The following CHN2 variants were observed in gnomAD, a reference collection of about 807,000 sequenced individuals.
CHN2 encodes the protein chimerin 2, also known as beta-chimaerin.
Under a neutral mutation model 56.3 loss-of-function variants are expected in CHN2, and 35 were observed. The observed-to-expected ratio is 0.62, with a 90% confidence interval of 0.47 to 0.82. CHN2 has a LOEUF of 0.82. CHN2 is among the 40% of genes least tolerant of loss of function. The pLI, the probability that CHN2 is intolerant of heterozygous loss-of-function variation, is 0.00. For synonymous variants in CHN2, 210 were observed against 212.8 expected (o/e 0.99, Z 0.12); for missense variants, 491 against 580.5 (o/e 0.85, Z 1.58).
chr7:29,486,783 A>G (rs1334268888), intron 7 of CHN2, among the ~76,000 whole-genome samples: 1 of 152,106 alleles, frequency 6.6e-6, no homozygotes, highest in Non-Finnish European at 1.5e-5. Context: ...GGAGGCCAGG[A>G]CTAGAAGTTC....
At chr7:29,424,476 G>T (rs182986769) in intron 6 of CHN2, among the ~76,000 whole-genome samples, 1 of 151,974 alleles carries the variant, frequency 6.6e-6, no homozygotes, top group East Asian at 1.9e-4. Flanking sequence ...TCCCACTTTC[G>T]GTGGCCTCCC....
intron 1 of CHN2, among the ~76,000 whole-genome samples, chr7:29,303,496 A>G (rs756041876): frequency 1.3e-5 from 2 of 151,988 alleles, no homozygotes; most frequent in African/African-American, 2.4e-5. Flanking sequence ...CTTATTTCCC[A>G]GTTCCACCTG....
intron 1 of CHN2, among the ~76,000 whole-genome samples, chr7:29,280,906 T>C (rs1008755274): frequency 6.6e-6 from 1 of 152,134 alleles, no homozygotes; most frequent in African/African-American, 2.4e-5. Flanking sequence ...AGACCAGGCC[T>C]GGCCAACATG....
At chr7:29,437,202 A>G (rs1477374860) in intron 6 of CHN2, among the ~76,000 whole-genome samples, 7 of 152,204 alleles carry the variant, frequency 4.6e-5, no homozygotes, top group Non-Finnish European at 1.0e-4. Context: ...TTGTACACAA[A>G]TTAGACAATA....
intron 1 of CHN2, among the ~76,000 whole-genome samples, chr7:29,233,390 T>A (rs965450893): frequency 2.6e-5 from 4 of 152,190 alleles, no homozygotes; most frequent in African/African-American, 4.8e-5. Context: ...CAAAATCTCT[T>A]ACAAAACCTC....
At chr7:29,336,237 T>C (rs899840875) in intron 1 of CHN2, 1 of 152,134 alleles carries the variant, frequency 6.6e-6, no homozygotes, top group Non-Finnish European at 1.5e-5. Flanking sequence ...AGTATTTGGC[T>C]ATGTAAGACA....
chr7:29,504,233 T>C (rs750522229), intron 9 of CHN2, among the ~76,000 whole-genome samples: 13 of 152,158 alleles, frequency 8.5e-5, no homozygotes, highest in Non-Finnish European at 1.3e-4. Flanking sequence ...ACATACAATA[T>C]AGCACATGGA....
At chr7:29,286,700 A>C (rs1269324938) in intron 1 of CHN2, among the ~76,000 whole-genome samples, 2 of 152,212 alleles carry the variant, frequency 1.3e-5, no homozygotes, top group Non-Finnish European at 2.9e-5. Flanking sequence ...GATCCACCCT[A>C]AAGTGGAGAT....
intron 1 of CHN2, among the ~76,000 whole-genome samples, chr7:29,296,782 G>A (rs1793194057): frequency 6.6e-6 from 1 of 152,208 alleles, no homozygotes; most frequent in Admixed American, 6.5e-5. Context: ...GTCCTCAAGG[G>A]CATAACTACA....
At chr7:29,190,990 A>T (rs952525673), upstream of CHN2, among the ~76,000 whole-genome samples, 2 of 151,652 alleles carry the variant, frequency 1.3e-5, no homozygotes, top group East Asian at 3.9e-4. Flanking sequence ...GCTGGGGTGC[A>T]GTGGCATCAA....
In CHN2 at chr7:29,269,371, A is replaced by T. The variant is rs80044032; in HGVS notation, c.49+74381A>T. ...TCCAGTTCCATTCATTTTGTTGAGA[A>T]TGAAAATATTTTATTCTTTTTTGTG... On this transcript the variant is annotated intron_variant, in intron 1 of 12. Transcript: ENST00000222792. Among the ~76,000 whole-genome samples, 337 of 152,324 alleles carry T rather than the reference A, an allele frequency of 2.2e-3. 1 individual carries two copies. The highest frequency in any genetic ancestry group is 7.1e-3 in the African/African-American group (296 of 41,560).
chr7:29,367,354 G>A (rs533126980), intron 2 of CHN2, among the ~76,000 whole-genome samples: 28 of 152,258 alleles, frequency 1.8e-4, no homozygotes, highest in African/African-American at 6.5e-4. Context: ...ACAATGGATG[G>A]GAAGTCATCA....
chr7:29,298,475 A>G (rs945741458), intron 1 of CHN2, among the ~76,000 whole-genome samples: 4 of 152,238 alleles, frequency 2.6e-5, no homozygotes, highest in Non-Finnish European at 5.9e-5. Context: ...AACAAGGGAT[A>G]GAAAAGGATG....
chr7:29,481,914 A>G (rs570939027), intron 7 of CHN2, among the ~76,000 whole-genome samples: 1 of 152,188 alleles, frequency 6.6e-6, no homozygotes, highest in African/African-American at 2.4e-5. Flanking sequence ...TAGCTTGTCC[A>G]TGTATATTCT....
chr7:29,191,170 G>T (rs1782847910), upstream of CHN2, among the ~76,000 whole-genome samples: 1 of 152,026 alleles, frequency 6.6e-6, no homozygotes, highest in African/African-American at 2.4e-5. Context: ...GGCCTCAAGG[G>T]ATCCTCCCAC....
At chr7:29,176,578 G>T (rs978471697) in intron 2 of CHN2, among the ~76,000 whole-genome samples, 1 of 151,936 alleles carries the variant, frequency 6.6e-6, no homozygotes, top group African/African-American at 2.4e-5. Context: ...AAATTGAAAG[G>T]GATTACTACT....
intron 1 of CHN2, among the ~76,000 whole-genome samples, chr7:29,272,784 C>T (rs1048335339): frequency 7.2e-5 from 11 of 152,054 alleles, no homozygotes; most frequent in Non-Finnish European, 1.6e-4. Context: ...TGTGCCAACA[C>T]GCATTTTTAA....
chr7:29,305,905 C>G (rs1794118694), intron 1 of CHN2, among the ~76,000 whole-genome samples: 1 of 151,388 alleles, frequency 6.6e-6, no homozygotes, highest in Non-Finnish European at 1.5e-5. Flanking sequence ...TCTCCTTTTC[C>G]CCATCCAAAC....
At chr7:29,372,306 C>T (rs899262267) in intron 3 of CHN2, among the ~76,000 whole-genome samples, 4 of 152,118 alleles carry the variant, frequency 2.6e-5, no homozygotes, top group South Asian at 4.2e-4. Flanking sequence ...GTTCTCTGCA[C>T]GTCTAGGTTT....
Sources: gnomAD v4.1 joint callset for allele counts (sites outside exome capture counted in the v4.1 genomes callset) on GRCh38, gnomAD v4.1.1 for gene constraint, MANE v1.5 for transcripts, NCBI Gene and HGNC (gene_info 2026-07-23, HGNC 2026-07-21) for gene names.